Variants in EPHA6 observed in about 807,000 individuals in gnomAD.
The protein encoded by EPHA6 is EPH receptor A6.
EPHA6 carries 50 observed loss-of-function variants against 112.0 expected under a neutral mutation model. The observed-to-expected ratio is 0.45, with a 90% CI of 0.36 to 0.56. The LOEUF is 0.56. Ranked by LOEUF, EPHA6 falls within the 20% of genes least tolerant of loss-of-function variation. EPHA6 has a pLI of 0.00. For missense variants in EPHA6, 1,280 were observed against 1,417.4 expected (o/e 0.90, Z 1.56); for synonymous variants, 529 against 490.7 (o/e 1.08, Z -1.03).
In EPHA6 at chr3:97,015,683, GA is replaced by G. The variant is rs575078582; in HGVS notation, c.1114+27691del. On this transcript the variant is annotated intron_variant, in intron 3 of 17. Coordinates refer to ENST00000389672, the MANE Select transcript of EPHA6 (RefSeq NM_001080448.3). ...ATACAAATATAACAGAGTGGAAGGG[GA>G]TCAGGAGAGGAGTGAACACTGCTGG... Among the ~76,000 whole-genome samples the G allele has an allele frequency of 9.9e-5, 15 of 152,244 alleles. No individual in the cohort carries two copies. In the East Asian group the frequency reaches 2.9e-3, roughly 29 times the overall value.
intron 3 of EPHA6, among the ~76,000 whole-genome samples, chr3:97,003,766 G>T (rs940589334): frequency 6.6e-6 from 1 of 151,396 alleles, no homozygotes; most frequent in East Asian, 1.9e-4. Flanking sequence ...CTATTGACCC[G>T]TCCTCTAAAT....
intron 3 of EPHA6, among the ~76,000 whole-genome samples, chr3:97,102,248 T>C (rs2047425645): frequency 6.6e-6 from 1 of 151,978 alleles, no homozygotes; most frequent in African/African-American, 2.4e-5. Context: ...AACGTATGAG[T>C]GAAGCAATCT....
chr3:96,892,999 C>T (rs991831025), intron 2 of EPHA6, among the ~76,000 whole-genome samples: 12 of 148,138 alleles, frequency 8.1e-5, no homozygotes, highest in East Asian at 2.0e-4. Context: ...TGTGTGTGTG[C>T]GCGCGCAAAG....
chr3:97,346,402 G>T (rs1384915610), intron 5 of EPHA6, among the ~76,000 whole-genome samples: 1 of 152,100 alleles, frequency 6.6e-6, no homozygotes, highest in Non-Finnish European at 1.5e-5. Context: ...TATAATAAAT[G>T]CCTTCAAACA....
rs139227791 is a variant in EPHA6, at chr3:97,027,682, T to G, written c.1114+39689T>G. 6.6e-3 allele frequency among the ~76,000 whole-genome samples: 1,002 copies of G among 152,256 alleles called. 15 individuals carry two copies. Among genetic ancestry groups the G allele is most frequent in the African/African-American group, 0.022 (927 of 41,552 alleles). The stretch of plus-strand genomic sequence containing the variant: ...CCAGTTGCTGTTTAATGTCCCAAAC[T>G]CAAACTTTTAATGCTTTATAACAGT... On this transcript the variant is annotated intron_variant, in intron 3 of 17. Coordinates refer to ENST00000389672, the MANE Select transcript of EPHA6 (RefSeq NM_001080448.3).
intron 2 of EPHA6, among the ~76,000 whole-genome samples, chr3:96,924,817 C>G (rs1178635031): frequency 4.6e-5 from 7 of 151,960 alleles, no homozygotes; most frequent in Admixed American, 3.9e-4. Context: ...CGTTTAATAC[C>G]TAGTTTATTG....
At chr3:97,404,549 TTATAA>T (rs1285885455) in intron 5 of EPHA6, among the ~76,000 whole-genome samples, 2 of 152,244 alleles carry the variant, frequency 1.3e-5, no homozygotes, top group East Asian at 1.9e-4. Flanking sequence ...TAATTTAGAA[TTATAA>T]TATATGGAAA....
intron 7 of EPHA6, among the ~76,000 whole-genome samples, chr3:97,465,610 G>C (rs992387178): frequency 6.6e-6 from 1 of 152,070 alleles, no homozygotes. Flanking sequence ...TGATCCAAAA[G>C]CTTCCCTTAG....
At chr3:96,837,407 T>C (rs991925014) in intron 1 of EPHA6, among the ~76,000 whole-genome samples, 1 of 152,066 alleles carries the variant, frequency 6.6e-6, no homozygotes, top group Non-Finnish European at 1.5e-5. Flanking sequence ...AACAACATTG[T>C]TTATGATGAG....
intron 14 of EPHA6, among the ~76,000 whole-genome samples, chr3:97,689,310 C>T (rs1560268168): frequency 6.6e-6 from 1 of 152,100 alleles, no homozygotes; most frequent in Non-Finnish European, 1.5e-5. Flanking sequence ...GTGGTACTGC[C>T]AATAATTTGT....
At chr3:97,212,203 T>C (rs1400447577) in intron 3 of EPHA6, among the ~76,000 whole-genome samples, 3 of 152,272 alleles carry the variant, frequency 2.0e-5, no homozygotes. Context: ...TAGTATTTCA[T>C]TTCAGGATAC....
chr3:97,629,928 A>C (rs1005775153), intron 13 of EPHA6, among the ~76,000 whole-genome samples: 1 of 152,052 alleles, frequency 6.6e-6, no homozygotes, highest in Non-Finnish European at 1.5e-5. Flanking sequence ...ACTTTGTATA[A>C]ATATAGTACA....
intron 14 of EPHA6, among the ~76,000 whole-genome samples, chr3:97,691,726 A>G: frequency 6.6e-6 from 1 of 152,188 alleles, no homozygotes. Context: ...TATTTATCTG[A>G]TTGTACTAAA....
intron 3 of EPHA6, among the ~76,000 whole-genome samples, chr3:97,112,698 C>T (rs2047760189): frequency 6.6e-6 from 1 of 151,716 alleles, no homozygotes; most frequent in Non-Finnish European, 1.5e-5. Flanking sequence ...ATTTTTTGCC[C>T]AAGCAATATT....
chr3:96,983,999 CT>C (rs1424119745), intron 2 of EPHA6, among the ~76,000 whole-genome samples: 10 of 152,262 alleles, frequency 6.6e-5, no homozygotes, highest in African/African-American at 2.4e-4. Flanking sequence ...TGGGTTCTAA[CT>C]TCCTTCTTTA....
intron 2 of EPHA6, among the ~76,000 whole-genome samples, chr3:96,978,816 A>G (rs1170418515): frequency 6.6e-6 from 1 of 152,210 alleles, no homozygotes; most frequent in East Asian, 1.9e-4. Flanking sequence ...ATCGGTTCTG[A>G]TTAGAGAATA....
chr3:97,201,767 G>A (rs1334494800), intron 3 of EPHA6, among the ~76,000 whole-genome samples: 1 of 152,082 alleles, frequency 6.6e-6, no homozygotes, highest in Non-Finnish European at 1.5e-5. Flanking sequence ...ATTGAGTAAA[G>A]CTAAATCTGG....
At chr3:97,747,094 A>G (rs542033829) in intron 16 of EPHA6, among the ~76,000 whole-genome samples, 1 of 151,996 alleles carries the variant, frequency 6.6e-6, no homozygotes, top group African/African-American at 2.4e-5. Context: ...TGCAAGAGAA[A>G]AAAGTATAAG....
intron 9 of EPHA6, among the ~76,000 whole-genome samples, chr3:97,482,979 T>C (rs1440364514): frequency 6.6e-6 from 1 of 152,190 alleles, no homozygotes; most frequent in Non-Finnish European, 1.5e-5. Flanking sequence ...ATGAGCCAGC[T>C]TGGTGGCTTG....
Sources: gnomAD v4.1 joint callset for allele counts (sites outside exome capture counted in the v4.1 genomes callset) on GRCh38, gnomAD v4.1.1 for gene constraint, MANE v1.5 for transcripts, NCBI Gene and HGNC (gene_info 2026-07-23, HGNC 2026-07-21) for gene names.